The following FAAH2 variants were observed in gnomAD, a reference collection of about 807,000 sequenced individuals.
FAAH2 encodes fatty-acid amide hydrolase 2.
A neutral mutation model predicts 36.9 loss-of-function variants in FAAH2; 60 were observed. The observed-to-expected ratio is 1.63, with a 90% CI of 1.32 to 2.02. FAAH2 has a LOEUF of 2.02. FAAH2 is among the 30% of genes most tolerant of loss of function. FAAH2 has a pLI of 0.00. For synonymous variants in FAAH2, 214 were observed against 143.8 expected, an observed-to-expected ratio of 1.49 and a Z score of -3.49; for missense variants, 689 against 397.5, an observed-to-expected ratio of 1.73 and a Z score of -6.23.
chrX:57,389,451 A>G (rs1276549348), intron 7 of FAAH2, among the ~76,000 whole-genome samples: 1 of 108,633 alleles, frequency 9.2e-6, no homozygotes, highest in East Asian at 2.9e-4. Context: ...TTTAGATTAC[A>G]TAAATAAATG....
chrX:57,405,709 A>G (rs1243740774), intron 7 of FAAH2, among the ~76,000 whole-genome samples: 1 of 100,729 alleles, frequency 9.9e-6, no homozygotes, highest in African/African-American at 3.7e-5. Flanking sequence ...ATTTAAAAGA[A>G]CAGTCTTTAA....
intron 5 of FAAH2, among the ~76,000 whole-genome samples, chrX:57,350,284 T>C (rs2053965524): frequency 9.0e-6 from 1 of 110,616 alleles, no homozygotes; most frequent in East Asian, 2.8e-4. Flanking sequence ...AAAAGGACAT[T>C]AACCATTATG....
At chrX:57,307,591 G>C (rs762292227) in intron 2 of FAAH2, among the ~76,000 whole-genome samples, 1 of 111,421 alleles carries the variant, frequency 9.0e-6, no homozygotes, top group Non-Finnish European at 1.9e-5. Flanking sequence ...AACTAAATAT[G>C]TCAAAATACT....
the FAAH2 span, among the ~76,000 whole-genome samples, chrX:57,125,028 C>A: frequency 8.9e-6 from 1 of 112,525 alleles, no homozygotes; most frequent in African/African-American, 3.2e-5. Flanking sequence ...CTGGCCAGAA[C>A]TTCCAACACT....
At chrX:57,359,168 A>G (rs1264023643) in intron 5 of FAAH2, among the ~76,000 whole-genome samples, 1 of 110,657 alleles carries the variant, frequency 9.0e-6, no homozygotes, top group Non-Finnish European at 1.9e-5. Flanking sequence ...GTACCCATTA[A>G]CAATCCTCCC....
the FAAH2 span, among the ~76,000 whole-genome samples, chrX:57,165,132 C>T: frequency 9.8e-5 from 11 of 112,357 alleles, no homozygotes; most frequent in Non-Finnish European, 1.9e-4. Flanking sequence ...GTCAGTGTGG[C>T]GATTCCTCAT....
At chrX:57,464,625 G>A (rs1396034432) in intron 10 of FAAH2, among the ~76,000 whole-genome samples, 1 of 109,107 alleles carries the variant, frequency 9.2e-6, no homozygotes, top group Non-Finnish European at 1.9e-5. Context: ...AACAGAATGG[G>A]AGAAAATATT....
intron 10 of FAAH2, among the ~76,000 whole-genome samples, chrX:57,455,889 G>T (rs2056856979): frequency 8.9e-6 from 1 of 111,960 alleles, no homozygotes; most frequent in South Asian, 3.7e-4. Context: ...GAGTTAGACA[G>T]ATCACTGAGG....
At chrX:57,467,087 C>T (rs1366944643) in intron 10 of FAAH2, among the ~76,000 whole-genome samples, 2 of 111,252 alleles carry the variant, frequency 1.8e-5, no homozygotes, top group Non-Finnish European at 3.8e-5. Flanking sequence ...ACTTTCCAAA[C>T]AAGTTTCAAT....
chrX:57,325,384 C>G (rs1032466309), intron 3 of FAAH2, among the ~76,000 whole-genome samples: 4 of 111,546 alleles, frequency 3.6e-5, no homozygotes, highest in Non-Finnish European at 5.7e-5. Flanking sequence ...CCCTATTTTT[C>G]TATTGATTGG....
At chrX:57,265,473 T>G in the FAAH2 span, among the ~76,000 whole-genome samples, 1 of 111,680 alleles carries the variant, frequency 9.0e-6, no homozygotes, top group Admixed American at 9.5e-5. Context: ...ACTCTGCTGT[T>G]TGGGTGACTT....
At chrX:57,396,682 T>A in intron 7 of FAAH2, among the ~76,000 whole-genome samples, 1 of 112,233 alleles carries the variant, frequency 8.9e-6, no homozygotes, top group Non-Finnish European at 1.9e-5. Context: ...TTTATCCCAC[T>A]GTGGTCCAAT....
At chrX:57,144,898 ATG>A in the FAAH2 span, among the ~76,000 whole-genome samples, 1 of 90,564 alleles carries the variant, frequency 1.1e-5, no homozygotes, top group East Asian at 3.3e-4. Flanking sequence ...ATATATATAT[ATG>A]TATGTATATG....
At chrX:57,282,318 T>A (rs1030996462), upstream of FAAH2, among the ~76,000 whole-genome samples, 3 of 112,201 alleles carry the variant, frequency 2.7e-5, no homozygotes, top group South Asian at 7.4e-4. Context: ...CTCTGACGAT[T>A]AGTGATGATG....
chrX:57,245,598 A>G, the FAAH2 span, among the ~76,000 whole-genome samples: 1 of 112,282 alleles, frequency 8.9e-6, no homozygotes, highest in Non-Finnish European at 1.9e-5. Flanking sequence ...CACAACTTGG[A>G]AACTGAACAA....
intron 5 of FAAH2, among the ~76,000 whole-genome samples, chrX:57,353,487 T>TAAAAAAAAAAAAAAAAAAAAA (rs3035714): frequency 4.8e-5 from 4 of 83,819 alleles, no homozygotes; most frequent in Non-Finnish European, 6.9e-5. Context: ...CCCAAATTAT[T>TAAAAAAAAAAAAAAAAAAAAA]AAAAAAAAAA....
chrX:57,399,887 G>A lies in FAAH2; in HGVS notation c.996+18858G>A, dbSNP rs1331123855. Among the ~76,000 whole-genome samples the A allele has an allele frequency of 5.4e-5, 6 of 111,895 alleles. No individual in the cohort carries two copies. In the Admixed American group the frequency reaches 5.7e-4, roughly 11 times the overall value. ...TGCCAGCTGAGCACTAGTTCCTGGA[G>A]TGAGGGGATTACTTTCAAGTATTCC... On this transcript the variant is annotated intron_variant, in intron 7 of 10. Transcript: ENST00000374900.
the FAAH2 span, among the ~76,000 whole-genome samples, chrX:57,255,770 A>G: frequency 1.8e-5 from 2 of 111,833 alleles, no homozygotes; most frequent in African/African-American, 3.3e-5. Flanking sequence ...TTGAGGGAAC[A>G]TATGTCAAAA....
intron 5 of FAAH2, among the ~76,000 whole-genome samples, chrX:57,354,524 T>A (rs753468591): frequency 9.1e-6 from 1 of 110,407 alleles, no homozygotes. Flanking sequence ...CTGATTTGAC[T>A]GTTATGTAAC....
Sources: allele counts gnomAD v4.1 joint callset (sites outside exome capture counted in the v4.1 genomes callset), GRCh38; gene constraint gnomAD v4.1.1; transcripts MANE v1.5; gene names NCBI Gene and HGNC (gene_info 2026-07-23, HGNC 2026-07-21).